The following LMLN variants were observed in gnomAD, a reference collection of about 807,000 sequenced individuals.
The protein encoded by LMLN is leishmanolysin like peptidase.
In LMLN, 70 loss-of-function variants were observed where a neutral mutation model predicts 92.3. The observed-to-expected ratio is 0.76, with a 90% CI of 0.63 to 0.92. The LOEUF (loss-of-function observed/expected upper bound fraction) is 0.92. Among genes scored for constraint, LMLN ranks in the 40% least tolerant of loss-of-function variants. The pLI, the probability that LMLN is intolerant of heterozygous loss-of-function variation, is 0.00. For synonymous variants in LMLN, 308 were observed against 296.2 expected (o/e 1.04, Z -0.41); for missense variants, 691 against 814.6 (o/e 0.85, Z 1.85).
chr3:197,996,019 A>C (rs948271434), intron 9 of LMLN, among the ~76,000 whole-genome samples, 156 bp from the exon 10 acceptor site: 4 of 152,238 alleles, frequency 2.6e-5, no homozygotes, highest in Non-Finnish European at 4.4e-5. Flanking sequence ...TAAAATATTT[A>C]GTTATATTAA....
chr3:197,971,822 T>A (rs1721231903), intron 1 of LMLN, among the ~76,000 whole-genome samples: 1 of 152,160 alleles, frequency 6.6e-6, no homozygotes, highest in Non-Finnish European at 1.5e-5. Context: ...TCACCAAATT[T>A]GAAATTTTTT....
intron 1 of LMLN, among the ~76,000 whole-genome samples, chr3:197,971,476 C>T (rs1721222915): frequency 6.6e-6 from 1 of 152,224 alleles, no homozygotes; most frequent in Non-Finnish European, 1.5e-5. Context: ...TGCAATTTGG[C>T]TGGGGATGCA....
Position 197,984,917 on chromosome 3 carries a change from T to C in LMLN, c.834+869T>C, listed in dbSNP as rs960552303. Among the ~76,000 whole-genome samples the C allele has an allele frequency of 3.3e-5, 5 of 151,182 alleles. No individual in the cohort carries two copies. The East Asian group carries it at 9.9e-4, about 30-fold the overall frequency. On this transcript the variant is annotated intron_variant, in intron 7 of 15. Transcript: ENST00000330198. The stretch of plus-strand genomic sequence containing the variant: ...GTCTTGAACTCCCGGGCTCAAGTGA[T>C]CCCCCCCGCCTCAGCCTCCCAAAGT...
At chr3:197,962,691 A>G (rs1230993379) in intron 1 of LMLN, among the ~76,000 whole-genome samples, 1 of 152,150 alleles carries the variant, frequency 6.6e-6, no homozygotes, top group Admixed American at 6.5e-5. Context: ...CCTGTGTTCT[A>G]GAAGCCTTCA....
At chr3:197,969,637 G>A (rs551346114) in intron 1 of LMLN, among the ~76,000 whole-genome samples, 2 of 152,216 alleles carry the variant, frequency 1.3e-5, no homozygotes, top group East Asian at 3.9e-4. Context: ...ATCTAGCTAG[G>A]TGAATGTCCC....
exon 16 of LMLN, chr3:198,043,630 T>TAGA (rs1353660120): frequency 2.0e-5 from 3 of 152,602 alleles, no homozygotes; most frequent in Non-Finnish European, 4.4e-5. Context: ...ATAAGTAAAA[T>TAGA]AGAAGATTTA....
At chr3:197,999,427 T>G in intron 11 of LMLN, 85 bp downstream of exon 11, 1 of 962,818 alleles carries the variant, frequency 1.0e-6, no homozygotes, top group Non-Finnish European at 1.6e-6. Flanking sequence ...ATGCTGACAT[T>G]TTATGCTGAA....
chr3:197,961,397 CATTTTT>C (rs780681108), intron 1 of LMLN, among the ~76,000 whole-genome samples: 2 of 152,190 alleles, frequency 1.3e-5, no homozygotes, highest in African/African-American at 4.8e-5. Context: ...TAAAGACACT[CATTTTT>C]ATGGTAATTT....
intron 5 of LMLN, among the ~76,000 whole-genome samples, chr3:197,977,230 G>T (rs1244923831): frequency 6.6e-6 from 1 of 152,162 alleles, no homozygotes; most frequent in African/African-American, 2.4e-5. Flanking sequence ...AAGTGAAGGA[G>T]ATCTCTATGT....
chr3:197,987,349 C>T (rs1244470874), intron 8 of LMLN, among the ~76,000 whole-genome samples: 2 of 151,462 alleles, frequency 1.3e-5, no homozygotes, highest in Non-Finnish European at 2.9e-5. Context: ...TTAGTAGAGA[C>T]AGGGTTTCAC....
At chr3:198,000,100 C>T (rs937129569) in intron 11 of LMLN, among the ~76,000 whole-genome samples, 1 of 151,182 alleles carries the variant, frequency 6.6e-6, no homozygotes. Flanking sequence ...CTCTATTGCC[C>T]AGGCTGGTCC....
intron 11 of LMLN, among the ~76,000 whole-genome samples, chr3:198,017,187 T>G (rs1722662932): frequency 6.6e-6 from 1 of 152,218 alleles, no homozygotes; most frequent in South Asian, 2.1e-4. Flanking sequence ...TTGAGTTTGC[T>G]GACCCCTGTC....
Position 197,990,545 on chromosome 3 carries a change from T to A in LMLN, c.930-14T>A, listed in dbSNP as rs752511800. On this transcript the variant is annotated splice_polypyrimidine_tract_variant and intron_variant, in intron 8 of 15. Transcript: ENST00000330198. ...ATTTTCAGTAATAATTGTGTTTTAA[T>A]TCTATAATTACAGTCTGGGATTATA... 3.6e-6 allele frequency: 4 copies of A among 1,117,374 alleles called. No homozygotes were observed. The highest frequency in any genetic ancestry group is 2.0e-4 in the Middle Eastern group (1 of 5,066). The allele number at this position is 1,117,374 out of a possible 1,614,324, so 69.2% of individuals were successfully genotyped here.
chr3:197,972,751 C>G (rs554295818), intron 1 of LMLN, among the ~76,000 whole-genome samples: 1 of 151,834 alleles, frequency 6.6e-6, no homozygotes, highest in South Asian at 2.1e-4. Context: ...TTCAAAATTC[C>G]AAACTCTTAT....
intron 14 of LMLN, among the ~76,000 whole-genome samples, chr3:198,026,908 T>C (rs546004337): frequency 6.6e-6 from 1 of 152,208 alleles, no homozygotes; most frequent in East Asian, 1.9e-4. Flanking sequence ...CATTTGGGAA[T>C]TGGGAATACC....
intron 14 of LMLN, among the ~76,000 whole-genome samples, chr3:198,032,953 A>C (rs529057850): frequency 1.2e-4 from 19 of 152,288 alleles, no homozygotes; most frequent in African/African-American, 4.1e-4. Context: ...TCTTGGTACC[A>C]GGTGTGGCTG....
At chr3:198,011,452 C>T (rs1259804831) in intron 11 of LMLN, among the ~76,000 whole-genome samples, 1 of 151,860 alleles carries the variant, frequency 6.6e-6, no homozygotes, top group East Asian at 1.9e-4. Flanking sequence ...AGGACATGAA[C>T]TCATCCTTTT....
At chr3:198,035,135 C>T (rs1021475620) in intron 14 of LMLN, among the ~76,000 whole-genome samples, 6 of 141,534 alleles carry the variant, frequency 4.2e-5, no homozygotes, top group African/African-American at 1.6e-4. Context: ...CCAAGGTACT[C>T]AAAGCTGCAG....
intron 1 of LMLN, among the ~76,000 whole-genome samples, chr3:197,963,099 A>G (rs1241343131): frequency 2.6e-5 from 4 of 152,142 alleles, no homozygotes; most frequent in South Asian, 2.1e-4. Flanking sequence ...CTTTCAATCC[A>G]TGAACATAAT....
Sources: gnomAD v4.1 joint callset for allele counts (sites outside exome capture counted in the v4.1 genomes callset) on GRCh38, gnomAD v4.1.1 for gene constraint, MANE v1.5 for transcripts, NCBI Gene and HGNC (gene_info 2026-07-23, HGNC 2026-07-21) for gene names.